NKAIN3: variants seen among roughly 807,000 people sequenced by gnomAD.
NKAIN3 encodes the protein sodium/potassium-transporting ATPase subunit beta-1-interacting protein 3.
In NKAIN3, 25 loss-of-function variants were observed where a neutral mutation model predicts 30.2. That is an observed-to-expected ratio of 0.83 (90% CI 0.60 to 1.16). The LOEUF is 1.16. NKAIN3 is among the 50% of genes most tolerant of loss of function. The pLI is 0.00. For missense variants in NKAIN3, 225 were observed against 254.1 expected (o/e 0.89, Z 0.78); for synonymous variants, 91 against 89.6 (o/e 1.02, Z -0.09).
At chr8:62,825,595 C>T (rs540288599) in intron 4 of NKAIN3, among the ~76,000 whole-genome samples, 19 of 152,136 alleles carry the variant, frequency 1.2e-4, no homozygotes, top group East Asian at 9.7e-4. Flanking sequence ...ACCTACTGAG[C>T]GAAACAATGG....
chr8:62,616,793 C>G (rs1381103699), intron 3 of NKAIN3, among the ~76,000 whole-genome samples: 1 of 152,120 alleles, frequency 6.6e-6, no homozygotes, highest in Non-Finnish European at 1.5e-5. Context: ...TTGAAAAGAT[C>G]CAACCTCACG....
chr8:62,809,693 G>A lies in NKAIN3; in HGVS notation c.471+62564G>A, dbSNP rs547778253. ...TACATATATTGAATGCATATTGAAA[G>A]CCAGGGATTTTCATAAATTTATCCC... On this transcript the variant is annotated intron_variant, in intron 4 of 6. Coordinates refer to ENST00000623646, the MANE Select transcript of NKAIN3 (RefSeq NM_001304533.3). Among the ~76,000 whole-genome samples, 8 of 152,266 alleles carry A rather than the reference G, an allele frequency of 5.3e-5. No homozygotes were observed. In the South Asian group the frequency reaches 1.5e-3, roughly 28 times the overall value.
intron 3 of NKAIN3, among the ~76,000 whole-genome samples, chr8:62,639,740 G>C (rs1187579943): frequency 2.0e-5 from 3 of 152,106 alleles, no homozygotes; most frequent in Non-Finnish European, 4.4e-5. Context: ...AGAAAAGGGG[G>C]AGGATGTGGG....
At chr8:62,912,904 T>C (rs1034078798) in intron 4 of NKAIN3, among the ~76,000 whole-genome samples, 5 of 151,774 alleles carry the variant, frequency 3.3e-5, no homozygotes, top group African/African-American at 1.2e-4. Flanking sequence ...AGCAAAACTC[T>C]GTCTCAAAAA....
chr8:62,302,139 A>C (rs1814070307), intron 1 of NKAIN3, among the ~76,000 whole-genome samples: 1 of 152,104 alleles, frequency 6.6e-6, no homozygotes, highest in South Asian at 2.1e-4. Flanking sequence ...AAATGAAGCT[A>C]TTCATGGAGT....
intron 3 of NKAIN3, among the ~76,000 whole-genome samples, chr8:62,714,592 T>TA (rs1245448952): frequency 6.6e-6 from 1 of 152,062 alleles, no homozygotes; most frequent in Non-Finnish European, 1.5e-5. Flanking sequence ...AGGCTTAATA[T>TA]AAAAAATAAA....
intron 1 of NKAIN3, among the ~76,000 whole-genome samples, chr8:62,423,083 A>T (rs1804694465): frequency 6.6e-6 from 1 of 152,040 alleles, no homozygotes; most frequent in African/African-American, 2.4e-5. Context: ...ACCATAGCAC[A>T]TTTAACCACA....
intron 4 of NKAIN3, among the ~76,000 whole-genome samples, chr8:62,908,535 G>T (rs190611186): frequency 1.4e-3 from 210 of 152,256 alleles, no homozygotes; most frequent in African/African-American, 4.9e-3. Context: ...TCATGGGAGG[G>T]ACCCAGTGGG....
intron 1 of NKAIN3, among the ~76,000 whole-genome samples, chr8:62,505,213 AG>A (rs1355508687): frequency 6.6e-6 from 1 of 152,222 alleles, no homozygotes; most frequent in African/African-American, 2.4e-5. Flanking sequence ...TTATCAGTTA[AG>A]ATTTGGTTAT....
At position 62,979,615 on chromosome 8, in the gene NKAIN3, G is replaced by A. The variant is rs1824028442; in HGVS notation, c.*14208G>A. Reference sequence around the variant, plus strand: ...CTCTATACAGTACAGTTTTAGCATTGAAAAGGACCTCAGCAATTCCATTTG... The same window carrying A: ...CTCTATACAGTACAGTTTTAGCATTAAAAAGGACCTCAGCAATTCCATTTG... On this transcript the variant is annotated 3_prime_UTR_variant, in exon 7 of 7. Transcript: ENST00000623646. The A allele has an allele frequency of 1.3e-5, 2 of 152,184 alleles. No homozygotes were observed. The highest frequency in any genetic ancestry group is 2.4e-5 in the African/African-American group (1 of 41,440). The allele number at this position is 152,184 out of a possible 1,614,324, so 9.4% of individuals were successfully genotyped here.
intron 4 of NKAIN3, among the ~76,000 whole-genome samples, chr8:62,852,188 G>A (rs945421378): frequency 2.0e-5 from 3 of 152,122 alleles, no homozygotes; most frequent in Non-Finnish European, 4.4e-5. Context: ...TCTTGGGAGG[G>A]TGTATGTGTT....
intron 1 of NKAIN3, among the ~76,000 whole-genome samples, chr8:62,471,316 A>G (rs928766897): frequency 2.0e-5 from 3 of 152,130 alleles, no homozygotes; most frequent in Non-Finnish European, 4.4e-5. Flanking sequence ...AAAAAAAAAA[A>G]TGATCTGGAG....
At chr8:62,715,178 C>T (rs946676731) in intron 3 of NKAIN3, among the ~76,000 whole-genome samples, 29 of 152,102 alleles carry the variant, frequency 1.9e-4, no homozygotes, top group African/African-American at 7.0e-4. Flanking sequence ...GAGGGAAGTC[C>T]ACCCCCATGA....
At chr8:62,466,527 C>T (rs910150266) in intron 1 of NKAIN3, among the ~76,000 whole-genome samples, 2 of 152,120 alleles carry the variant, frequency 1.3e-5, no homozygotes, top group Non-Finnish European at 2.9e-5. Flanking sequence ...ACCAGTCCTG[C>T]GGTTTCCAGC....
chr8:62,692,713 C>T (rs554417259), intron 3 of NKAIN3, among the ~76,000 whole-genome samples: 1 of 152,286 alleles, frequency 6.6e-6, no homozygotes, highest in Admixed American at 6.5e-5. Context: ...CTGTCTCCAT[C>T]CTCTGTTAAT....
chr8:62,363,411 G>T (rs1277836936), intron 1 of NKAIN3, among the ~76,000 whole-genome samples: 1 of 152,044 alleles, frequency 6.6e-6, no homozygotes, highest in Non-Finnish European at 1.5e-5. Context: ...AGAACAGTAG[G>T]TAGCTACCTA....
At chr8:62,561,138 C>T (rs1809563966) in intron 1 of NKAIN3, among the ~76,000 whole-genome samples, 1 of 152,060 alleles carries the variant, frequency 6.6e-6, no homozygotes, top group Admixed American at 6.6e-5. Flanking sequence ...TTTTTGTTTG[C>T]ACTCATTGAC....
chr8:62,302,982 C>A (rs780110513), intron 1 of NKAIN3, among the ~76,000 whole-genome samples: 1 of 150,256 alleles, frequency 6.7e-6, no homozygotes, highest in Non-Finnish European at 1.5e-5. Flanking sequence ...TTGCAAATCA[C>A]TTGAGCTGCA....
At chr8:62,930,853 G>GCCA (rs1397118605) in intron 5 of NKAIN3, among the ~76,000 whole-genome samples, 1 of 151,734 alleles carries the variant, frequency 6.6e-6, no homozygotes, top group Non-Finnish European at 1.5e-5. Flanking sequence ...GCAGGTGCCC[G>GCCA]CCACCATGCC....
Sources: gnomAD v4.1 joint callset for allele counts (sites outside exome capture counted in the v4.1 genomes callset) on GRCh38, gnomAD v4.1.1 for gene constraint, MANE v1.5 for transcripts, NCBI Gene and HGNC (gene_info 2026-07-23, HGNC 2026-07-21) for gene names.